Variants in CAPN5 observed in about 807,000 individuals in gnomAD.
CAPN5 encodes calpain-5.
CAPN5 carries 54 observed loss-of-function variants against 73.0 expected under a neutral mutation model. The ratio of observed to expected loss-of-function variants is 0.74; its 90% confidence interval spans 0.59 to 0.93. The LOEUF is 0.93. Ranked by LOEUF, CAPN5 falls within the 40% of genes least tolerant of loss-of-function variation. CAPN5 has a pLI of 0.00. For missense variants in CAPN5, 785 were observed against 882.9 expected, an observed-to-expected ratio of 0.89 and a Z score of 1.41; for synonymous variants, 335 against 356.9, an observed-to-expected ratio of 0.94 and a Z score of 0.69.
intron 11 of CAPN5, among the ~76,000 whole-genome samples, 163 bp downstream of exon 11, chr11:77,122,212 G>C (rs1236732448): frequency 6.6e-6 from 1 of 152,222 alleles, no homozygotes; most frequent in African/African-American, 2.4e-5. Context: ...GAGAGGAAAA[G>C]GTTTACCTTC....
At chr11:77,084,089 C>G (rs1340134752) in intron 1 of CAPN5, among the ~76,000 whole-genome samples, 1 of 152,210 alleles carries the variant, frequency 6.6e-6, no homozygotes, top group Non-Finnish European at 1.5e-5. Flanking sequence ...GAGCATCTCT[C>G]AGCGCACCTG....
Position 77,125,413 on chromosome 11 carries a change from C to T in CAPN5, c.*1543C>T, listed in dbSNP as rs1555043700. 1 of 152,426 alleles carries T rather than the reference C, an allele frequency of 6.6e-6. No homozygotes were observed. Among genetic ancestry groups the T allele is most frequent in the South Asian group, 2.1e-4 (1 of 4,822 alleles). The allele number at this position is 152,426 out of a possible 1,614,324, so 9.4% of individuals were successfully genotyped here. On this transcript the variant is annotated 3_prime_UTR_variant, in exon 13 of 13. Coordinates refer to ENST00000648180, the MANE Select transcript of CAPN5 (RefSeq NM_004055.5). ...GGATAAGAGTGTTCTTTCTTGAAAGCCGGGACTTCCCCTCAAGAACCTGGG... is the reference window on the plus strand; with the variant it reads ...GGATAAGAGTGTTCTTTCTTGAAAGTCGGGACTTCCCCTCAAGAACCTGGG...
Position 77,118,142 on chromosome 11 carries a change from C to T in CAPN5, c.972-15C>T, listed in dbSNP as rs1555042041. ...TGTGGGGGAGGTACCCTGCTCAGCC[C>T]CTCCCCACATCCAGGATGACCTTCG... On this transcript the variant is annotated splice_polypyrimidine_tract_variant and intron_variant, in intron 7 of 12. Transcript: ENST00000648180. The T allele has an allele frequency of 1.9e-6, 3 of 1,604,876 alleles. No homozygotes were observed. The highest frequency in any genetic ancestry group is 2.6e-6 in the Non-Finnish European group (3 of 1,174,472).
At chr11:77,074,330 G>A (rs1237644513) in intron 1 of CAPN5, among the ~76,000 whole-genome samples, 1 of 151,980 alleles carries the variant, frequency 6.6e-6, no homozygotes, top group Non-Finnish European at 1.5e-5. Context: ...GGCATCCCCA[G>A]CCCTGCAGAG....
chr11:77,088,073 C>G lies in CAPN5; in HGVS notation c.165+3022C>G, dbSNP rs181658465. On this transcript the variant is annotated intron_variant, in intron 2 of 12. Transcript: ENST00000648180. ...GGGCCCGGGACCTGGTAGGCGGCCT[C>G]CTGTCACCCTGTGGGGGCAACATCC... is the stretch of plus-strand genomic sequence containing the variant. 756 of 1,526,120 alleles carry G rather than the reference C, an allele frequency of 5.0e-4. 3 individuals carry two copies. In the African/African-American group the frequency reaches 8.7e-3, roughly 18 times the overall value. The allele number at this position is 1,526,120 out of a possible 1,614,324, so 94.5% of individuals were successfully genotyped here. A position where few individuals can be genotyped will look rare whatever the true frequency, so the allele number is the denominator to read the frequency against.
At chr11:77,100,330 C>T (rs1950271492) in intron 3 of CAPN5, among the ~76,000 whole-genome samples, 1 of 152,078 alleles carries the variant, frequency 6.6e-6, no homozygotes, top group Non-Finnish European at 1.5e-5. Context: ...GCTCCCTTGC[C>T]CACAAGCCTC....
chr11:77,097,286 T>C (rs1182371803), intron 3 of CAPN5, among the ~76,000 whole-genome samples: 1 of 151,990 alleles, frequency 6.6e-6, no homozygotes, highest in Non-Finnish European at 1.5e-5. Context: ...CAGTTCCTGC[T>C]CTTTAGTTAT....
chr11:77,085,178 T>C, intron 2 of CAPN5, 127 bp downstream of exon 2: 1 of 778,280 alleles, frequency 1.3e-6, no homozygotes, highest in Non-Finnish European at 2.1e-6. Context: ...AAAGTGAGGG[T>C]GCTGAAACGG....
intron 3 of CAPN5, among the ~76,000 whole-genome samples, chr11:77,101,609 T>C (rs782651870): frequency 1.3e-5 from 2 of 152,166 alleles, no homozygotes; most frequent in Non-Finnish European, 2.9e-5. Context: ...ATCCCACTGA[T>C]TGATTAGCCA....
chr11:77,085,265 C>G (rs1488517387), intron 2 of CAPN5, among the ~76,000 whole-genome samples: 1 of 152,170 alleles, frequency 6.6e-6, no homozygotes, highest in Non-Finnish European at 1.5e-5. Flanking sequence ...TGAGGCCCAG[C>G]CAGGCCTTCA....
intron 1 of CAPN5, among the ~76,000 whole-genome samples, chr11:77,079,478 G>A (rs548717502): frequency 1.3e-4 from 19 of 151,958 alleles, no homozygotes; most frequent in East Asian, 1.2e-3. Flanking sequence ...GTTCATTTTC[G>A]TTATTGTTTA....
At chr11:77,074,542 G>C (rs141679073) in intron 1 of CAPN5, among the ~76,000 whole-genome samples, 2 of 152,042 alleles carry the variant, frequency 1.3e-5, no homozygotes, top group Non-Finnish European at 2.9e-5. Context: ...AGCCCAAATC[G>C]GGCACCAGCA....
At chr11:77,114,480 CG>C in intron 5 of CAPN5, 46 bp downstream of exon 5, 1 of 1,541,288 alleles carries the variant, frequency 6.5e-7, no homozygotes, top group Non-Finnish European at 9.0e-7. Context: ...CCTTCACCCT[CG>C]CTGACTGAGA....
intron 3 of CAPN5, among the ~76,000 whole-genome samples, chr11:77,105,962 C>A (rs1424583220): frequency 6.6e-6 from 1 of 152,164 alleles, no homozygotes; most frequent in Non-Finnish European, 1.5e-5. Context: ...AGGCTCTTGG[C>A]CTGTGGACCT....
At chr11:77,080,761 G>A (rs1039709189) in intron 1 of CAPN5, among the ~76,000 whole-genome samples, 1 of 152,234 alleles carries the variant, frequency 6.6e-6, no homozygotes, top group Admixed American at 6.5e-5. Flanking sequence ...TCTGTCATCT[G>A]TCACCTTAGA....
At chr11:77,090,238 G>A (rs782349982) in intron 2 of CAPN5, among the ~76,000 whole-genome samples, 1 of 152,222 alleles carries the variant, frequency 6.6e-6, no homozygotes, top group Admixed American at 6.5e-5. Flanking sequence ...TCTCCTGGCA[G>A]TGGGAACATG....
intron 3 of CAPN5, 83 bp from the exon 4 acceptor site, chr11:77,112,506 G>C (rs782028447): frequency 1.8e-6 from 2 of 1,082,844 alleles, no homozygotes; most frequent in Non-Finnish European, 2.8e-6. Context: ...CCGATTCGCT[G>C]GAAGCACACG....
chr11:77,117,941 A>G (rs180955020), intron 7 of CAPN5, among the ~76,000 whole-genome samples: 5 of 152,336 alleles, frequency 3.3e-5, no homozygotes, highest in Middle Eastern at 3.4e-3. Flanking sequence ...TGTTAGATTC[A>G]GCCTCATTTT....
chr11:77,115,322 C>A lies in CAPN5; in HGVS notation c.700-73C>A, dbSNP rs189543998. The A allele has an allele frequency of 2.1e-4, 269 of 1,280,134 alleles. No homozygotes were observed. The African/African-American group carries it at 3.6e-3, about 17-fold the overall frequency. 79.3% of individuals were successfully genotyped at this position (1,280,134 alleles called of 1,614,324 possible). On this transcript the variant is annotated intron_variant, in intron 5 of 12. Transcript: ENST00000648180. ...TGTAGGTCCCGTGCAGCCTCCTAGC[C>A]CTCCAGCACCTGAGTCCCTGGTCTG...
Sources: gnomAD v4.1 joint callset for allele counts (sites outside exome capture counted in the v4.1 genomes callset) on GRCh38, gnomAD v4.1.1 for gene constraint, MANE v1.5 for transcripts, NCBI Gene and HGNC (gene_info 2026-07-23, HGNC 2026-07-21) for gene names.